Variants in PPP4R4 observed in about 807,000 individuals in gnomAD.
The protein encoded by PPP4R4 is protein phosphatase 4 regulatory subunit 4, also known as serine/threonine-protein phosphatase 4 regulatory subunit 4.
In PPP4R4, 70 loss-of-function variants were observed where a neutral mutation model predicts 121.8. That is an observed-to-expected ratio of 0.57 (90% CI 0.47 to 0.70). The LOEUF (loss-of-function observed/expected upper bound fraction) is 0.70. Ranked by LOEUF, PPP4R4 falls within the 30% of genes least tolerant of loss-of-function variation. PPP4R4 has a pLI of 0.00. For missense variants in PPP4R4, 875 were observed against 1,033.6 expected (o/e 0.85, Z 2.10); for synonymous variants, 348 against 355.7 (o/e 0.98, Z 0.24).
rs1000244534 is a variant in PPP4R4 at position 94,174,513 on chromosome 14, C to T, written c.48C>T (p.Ser16=). 70 of 1,612,324 alleles carry T rather than the reference C, an allele frequency of 4.3e-5. 1 individual carries two copies. In the Admixed American group the frequency reaches 8.2e-4, roughly 19 times the overall value. ...CCGCGATGGATTTCAGTCAGAACAGCCTGTTCGGTTACATGGAGGACCTGC... is the reference window on the plus strand; with the variant it reads ...CCGCGATGGATTTCAGTCAGAACAGTCTGTTCGGTTACATGGAGGACCTGC... ...PAAAMDFSQN[S]LFGYMEDLQE... The change falls in exon 1 of 25, where the codon AGC becomes AGT. Residue 16 remains serine, a synonymous_variant. Coordinates refer to ENST00000304338, the MANE Select transcript of PPP4R4 (RefSeq NM_058237.2).
intron 23 of PPP4R4, among the ~76,000 whole-genome samples, chr14:94,275,059 T>C (rs1894558562): frequency 6.6e-6 from 1 of 152,188 alleles, no homozygotes; most frequent in Non-Finnish European, 1.5e-5. Flanking sequence ...TTTTCATTTA[T>C]ATAAAATTCT....
At chr14:94,253,385 G>A (rs1273527195) in intron 16 of PPP4R4, among the ~76,000 whole-genome samples, 1 of 151,400 alleles carries the variant, frequency 6.6e-6, no homozygotes, top group Non-Finnish European at 1.5e-5. Context: ...GTATGAACCT[G>A]GGAGGTGGAG....
chr14:94,227,905 A>G (rs1891805146), intron 3 of PPP4R4: 1 of 975,638 alleles, frequency 1.0e-6, no homozygotes, highest in African/African-American at 1.8e-5. Flanking sequence ...CCAAACCCCA[A>G]ATTGTTAGTG....
intron 2 of PPP4R4, among the ~76,000 whole-genome samples, chr14:94,197,031 G>A (rs1044549488): frequency 3.3e-5 from 5 of 151,948 alleles, no homozygotes; most frequent in African/African-American, 7.3e-5. Context: ...TAATTTCAGG[G>A]CTCTAGAGCT....
chr14:94,244,738 T>C, intron 12 of PPP4R4, 26 bp downstream of exon 12: 1 of 1,465,528 alleles, frequency 6.8e-7, no homozygotes, highest in East Asian at 2.6e-5. Flanking sequence ...TCTTTGATTT[T>C]TAATTCTTTT....
Position 94,202,759 on chromosome 14 carries a change from A to G in PPP4R4, c.192-5705A>G, listed in dbSNP as rs1890256267. Among the ~76,000 whole-genome samples, 3 of 151,966 alleles carry G rather than the reference A, an allele frequency of 2.0e-5. No homozygotes were observed. In the South Asian group the frequency reaches 6.2e-4, roughly 32 times the overall value. ...TTTGGGAGGCTGAAGCAGGTGGATCATGAGGTCAAGAGATCGAGACCATCC... is the reference window on the plus strand; with the variant it reads ...TTTGGGAGGCTGAAGCAGGTGGATCGTGAGGTCAAGAGATCGAGACCATCC... On this transcript the variant is annotated intron_variant, in intron 2 of 24. Coordinates refer to ENST00000304338, the MANE Select transcript of PPP4R4 (RefSeq NM_058237.2).
At chr14:94,175,014 C>T (rs1003422127) in intron 1 of PPP4R4, among the ~76,000 whole-genome samples, 1 of 149,974 alleles carries the variant, frequency 6.7e-6, no homozygotes, top group African/African-American at 2.5e-5. Flanking sequence ...GGCCGCAGCC[C>T]ACTTCTCCCC....
intron 2 of PPP4R4, among the ~76,000 whole-genome samples, chr14:94,180,582 A>G (rs532646538): frequency 6.0e-4 from 90 of 149,700 alleles, no homozygotes; most frequent in Non-Finnish European, 1.0e-3. Context: ...GGGCAGTCAG[A>G]TAAAGAGCTT....
intron 4 of PPP4R4, 52 bp from the exon 5 acceptor site, chr14:94,231,190 C>T: frequency 7.0e-7 from 1 of 1,432,254 alleles, no homozygotes; most frequent in Non-Finnish European, 9.8e-7. Context: ...TGAGTTGAAA[C>T]TGAATTTGAA....
At chr14:94,248,976 A>G (rs923707776) in intron 14 of PPP4R4, among the ~76,000 whole-genome samples, 1 of 151,636 alleles carries the variant, frequency 6.6e-6, no homozygotes, top group Non-Finnish European at 1.5e-5. Context: ...TTGTGCACAA[A>G]TTGTTACAAC....
chr14:94,269,547 G>C (rs189006883), intron 23 of PPP4R4, among the ~76,000 whole-genome samples: 1 of 151,762 alleles, frequency 6.6e-6, no homozygotes, highest in Non-Finnish European at 1.5e-5. Context: ...CGGGCGTGGC[G>C]TCAGGCGCCT....
intron 3 of PPP4R4, chr14:94,227,619 C>A: frequency 8.3e-7 from 1 of 1,203,192 alleles, no homozygotes; most frequent in Non-Finnish European, 1.0e-6. Flanking sequence ...CTAAGTAATA[C>A]AGTAAGAAGA....
chr14:94,219,571 T>G (rs909661536), intron 3 of PPP4R4, among the ~76,000 whole-genome samples: 1 of 152,180 alleles, frequency 6.6e-6, no homozygotes, highest in Non-Finnish European at 1.5e-5. Context: ...TATATACTCA[T>G]GAGCGTAGAT....
At chr14:94,259,396 T>C (rs1419357135) in intron 19 of PPP4R4, 27 bp downstream of exon 19, 7 of 1,551,284 alleles carry the variant, frequency 4.5e-6, no homozygotes, top group Non-Finnish European at 6.1e-6. Flanking sequence ...TGCACACACA[T>C]ATACTCTTTT....
chr14:94,212,515 T>C (rs536610739), intron 3 of PPP4R4, among the ~76,000 whole-genome samples: 1 of 152,276 alleles, frequency 6.6e-6, no homozygotes, highest in African/African-American at 2.4e-5. Flanking sequence ...AGGTTAAATT[T>C]AGCTAGAAAT....
chr14:94,230,854 A>C, intron 4 of PPP4R4, 120 bp downstream of exon 4: 1 of 1,163,520 alleles, frequency 8.6e-7, no homozygotes, highest in Non-Finnish European at 1.2e-6. Context: ...GCTGCCTAGG[A>C]GTTGAGCAGT....
intron 3 of PPP4R4, among the ~76,000 whole-genome samples, chr14:94,225,819 T>C (rs896838857): frequency 6.6e-6 from 1 of 152,138 alleles, no homozygotes; most frequent in Admixed American, 6.5e-5. Flanking sequence ...TGAGAGAGAT[T>C]AGGATAGAAG....
chr14:94,275,078 C>G (rs536362911), intron 23 of PPP4R4, among the ~76,000 whole-genome samples: 2 of 152,192 alleles, frequency 1.3e-5, no homozygotes, highest in East Asian at 3.9e-4. Flanking sequence ...CTAGACAATA[C>G]AAACTAATTT....
At chr14:94,257,862 G>T (rs574289294) in intron 17 of PPP4R4, among the ~76,000 whole-genome samples, 1 of 152,062 alleles carries the variant, frequency 6.6e-6, no homozygotes, top group East Asian at 1.9e-4. Flanking sequence ...TAAAATTAAT[G>T]GATTATTAGT....
Sources: allele counts gnomAD v4.1 joint callset (sites outside exome capture counted in the v4.1 genomes callset), GRCh38; gene constraint gnomAD v4.1.1; transcripts MANE v1.5; gene names NCBI Gene and HGNC (gene_info 2026-07-23, HGNC 2026-07-21).